CDH2: variants seen among roughly 807,000 people sequenced by gnomAD.
CDH2 encodes the protein cadherin-2.
CDH2 carries 17 observed loss-of-function variants against 92.0 expected under a neutral mutation model. The ratio of observed to expected loss-of-function variants is 0.18; its 90% CI spans 0.13 to 0.28. The LOEUF is 0.28. Among genes scored for constraint, CDH2 ranks in the 10% least tolerant of loss-of-function variants. The pLI, the probability that CDH2 is intolerant of heterozygous loss-of-function variation, is 1.00. For missense variants in CDH2, 862 were observed against 1,133.1 expected, an observed-to-expected ratio of 0.76 and a Z score of 3.44; for synonymous variants, 419 against 415.9, an observed-to-expected ratio of 1.01 and a Z score of -0.09.
intron 2 of CDH2, among the ~76,000 whole-genome samples, chr18:28,117,485 G>A (rs1568004917): frequency 6.6e-6 from 1 of 152,038 alleles, no homozygotes; most frequent in Non-Finnish European, 1.5e-5. Context: ...CTACAATACA[G>A]TAGAAAGAGG....
intron 6 of CDH2, among the ~76,000 whole-genome samples, chr18:27,934,659 G>C (rs900611170): frequency 1.3e-5 from 2 of 152,088 alleles, no homozygotes; most frequent in African/African-American, 2.4e-5. Flanking sequence ...TAGTCACACA[G>C]CTGTGTTTTC....
chr18:28,162,550 ATC>A (rs1263566861), intron 1 of CDH2, among the ~76,000 whole-genome samples: 2 of 152,120 alleles, frequency 1.3e-5, no homozygotes, highest in African/African-American at 4.8e-5. Context: ...ATCTGGCTCA[ATC>A]TGTTAGATTT....
chr18:27,966,554 G>T (rs1193129440), intron 14 of CDH2, among the ~76,000 whole-genome samples: 1 of 152,072 alleles, frequency 6.6e-6, no homozygotes, highest in African/African-American at 2.4e-5. Context: ...ATTCAAATAG[G>T]TCACCAACAT....
chr18:28,081,160 CAA>C (rs1374988159), intron 2 of CDH2, among the ~76,000 whole-genome samples: 1 of 152,184 alleles, frequency 6.6e-6, no homozygotes, highest in East Asian at 1.9e-4. Context: ...AGATCCAGCC[CAA>C]GATGTGATGC....
intron 2 of CDH2, among the ~76,000 whole-genome samples, chr18:28,141,111 A>G (rs2015945514): frequency 6.6e-6 from 1 of 151,792 alleles, no homozygotes; most frequent in Non-Finnish European, 1.5e-5. Flanking sequence ...GTGGAAAACA[A>G]TTTGACAGCT....
In CDH2 at chr18:28,009,799, G is replaced by A; in HGVS notation, c.620C>T (p.Thr207Ile). The A allele has an allele frequency of 6.2e-7, 1 of 1,614,030 alleles. No homozygotes were observed. The highest frequency in any genetic ancestry group is 2.2e-5 in the East Asian group (1 of 44,872). The change falls in exon 5 of 16, where the codon ACT (threonine) becomes ATT (isoleucine). Residue 207 changes from threonine (T) to isoleucine (I), a missense_variant. Thr to Ile is a moderately conservative substitution (Grantham distance 89). Transcript: ENST00000269141. ...GATGGGGTTGATAATGAAGATACCA[G>A]TTGGAGGCTGGTCAGCTCCTGGCCC... ...VTGPGADQPP[T>I]GIFIINPISG... is the part of the protein sequence containing the mutation.
Position 28,176,310 on chromosome 18 carries a change from G to T in CDH2, c.60+653C>A, listed in dbSNP as rs182459006. On this transcript the variant is annotated intron_variant, in intron 1 of 15. Transcript: ENST00000269141. ...AGAGGCCAGACTCGTTCTACAGGCA[G>T]GCGCTGACCGGCAGAGACTCCTCCG... Among the ~76,000 whole-genome samples the T allele has an allele frequency of 1.3e-3, 197 of 152,292 alleles. 2 individuals are homozygous for T. Among genetic ancestry groups the T allele is most frequent in the African/African-American group, 4.5e-3 (185 of 41,568 alleles).
intron 1 of CDH2, among the ~76,000 whole-genome samples, chr18:28,163,006 G>T (rs1213344762): frequency 1.3e-5 from 2 of 152,200 alleles, no homozygotes; most frequent in Non-Finnish European, 2.9e-5. Flanking sequence ...AGCCATGACT[G>T]AAAATGTTAG....
intron 2 of CDH2, among the ~76,000 whole-genome samples, chr18:28,091,635 A>C (rs1466895013): frequency 6.6e-6 from 1 of 152,212 alleles, no homozygotes; most frequent in African/African-American, 2.4e-5. Flanking sequence ...CAACTTACTG[A>C]TTTACTATTT....
At chr18:27,950,124 TAATGATTAGAAAA>T (rs1206169424), downstream of CDH2, among the ~76,000 whole-genome samples, 1 of 152,098 alleles carries the variant, frequency 6.6e-6, no homozygotes, top group Non-Finnish European at 1.5e-5. Context: ...CTCTGGCATT[TAATGATTAGAAAA>T]GTAACAAGAA....
intron 2 of CDH2, among the ~76,000 whole-genome samples, chr18:28,047,554 TAA>T (rs2144119456): frequency 6.6e-6 from 1 of 152,164 alleles, no homozygotes; most frequent in South Asian, 2.1e-4. Context: ...GAGACTGACA[TAA>T]AGAGATTGCT....
At chr18:27,942,545 C>T (rs1174103770) in intron 6 of CDH2, among the ~76,000 whole-genome samples, 2 of 152,156 alleles carry the variant, frequency 1.3e-5, no homozygotes, top group Non-Finnish European at 2.9e-5. Flanking sequence ...TTAATTTCTT[C>T]TCAAGGCACT....
At chr18:28,043,618 C>T (rs1394845620) in intron 2 of CDH2, among the ~76,000 whole-genome samples, 2 of 149,776 alleles carry the variant, frequency 1.3e-5, no homozygotes, top group African/African-American at 2.4e-5. Flanking sequence ...TCCATTACAT[C>T]TAATTTCACT....
chr18:28,093,965 T>C (rs2015081379), intron 2 of CDH2, among the ~76,000 whole-genome samples: 2 of 152,216 alleles, frequency 1.3e-5, no homozygotes, highest in Admixed American at 1.3e-4. Flanking sequence ...CAAATTCGAC[T>C]GGACACGTCC....
intron 2 of CDH2, among the ~76,000 whole-genome samples, chr18:28,039,233 T>C (rs1050878702): frequency 3.3e-5 from 5 of 152,110 alleles, no homozygotes; most frequent in Non-Finnish European, 7.4e-5. Context: ...GAATCCACAT[T>C]TCTGACGTCT....
intron 2 of CDH2, among the ~76,000 whole-genome samples, chr18:28,037,440 A>G (rs1280507457): frequency 6.6e-6 from 1 of 152,186 alleles, no homozygotes; most frequent in South Asian, 2.1e-4. Flanking sequence ...TCAACTTTCT[A>G]GTTCACACCA....
intron 2 of CDH2, among the ~76,000 whole-genome samples, chr18:28,016,053 G>T (rs907300929): frequency 1.3e-5 from 2 of 152,176 alleles, no homozygotes; most frequent in Non-Finnish European, 2.9e-5. Flanking sequence ...TCATCACTTT[G>T]GGGGAAGAGT....
chr18:28,174,938 T>G (rs141196286), intron 1 of CDH2, among the ~76,000 whole-genome samples: 164 of 152,320 alleles, frequency 1.1e-3, no homozygotes, highest in South Asian at 2.9e-3. Context: ...GTAAGATTTG[T>G]AAAAAATGTA....
At chr18:27,997,172 G>C (rs931372048) in intron 7 of CDH2, among the ~76,000 whole-genome samples, 2 of 152,218 alleles carry the variant, frequency 1.3e-5, no homozygotes, top group Non-Finnish European at 2.9e-5. Flanking sequence ...TGCTGTCCTA[G>C]AGGCTTCTCA....
Sources: gnomAD v4.1 joint callset for allele counts (sites outside exome capture counted in the v4.1 genomes callset) on GRCh38, gnomAD v4.1.1 for gene constraint, MANE v1.5 for transcripts, NCBI Gene and HGNC (gene_info 2026-07-23, HGNC 2026-07-21) for gene names.